Variants in EFNA5 observed in about 807,000 individuals in gnomAD.
EFNA5 encodes the protein ephrin-A5.
In EFNA5, 5 loss-of-function variants were observed where a neutral mutation model predicts 22.9. The ratio of observed to expected loss-of-function variants is 0.22; its 90% confidence interval spans 0.11 to 0.46. The LOEUF (loss-of-function observed/expected upper bound fraction) is 0.46, where lower values mean the gene tolerates loss of function less well. Ranked by LOEUF, EFNA5 falls within the 20% of genes least tolerant of loss-of-function variation. The pLI, the probability that EFNA5 is intolerant of heterozygous loss-of-function variation, is 0.99. For missense variants in EFNA5, 237 were observed against 293.3 expected, an observed-to-expected ratio of 0.81 and a Z score of 1.40; for synonymous variants, 113 against 112.2, an observed-to-expected ratio of 1.01 and a Z score of -0.04.
chr5:107,585,300 C>T (rs1263983757), intron 1 of EFNA5, among the ~76,000 whole-genome samples: 1 of 152,184 alleles, frequency 6.6e-6, no homozygotes, highest in Non-Finnish European at 1.5e-5. Context: ...CTCTCATAGG[C>T]ACCCAGCAGC....
chr5:107,568,228 C>A (rs1371400610), intron 1 of EFNA5, among the ~76,000 whole-genome samples: 1 of 152,162 alleles, frequency 6.6e-6, no homozygotes, highest in Non-Finnish European at 1.5e-5. Context: ...CACACATATA[C>A]CCCTCTGCAT....
Position 107,377,729 on chromosome 5 carries a change from T to C in EFNA5, c.*3526A>G, listed in dbSNP as rs1747305145. ...CTGCACATGATATTGATAAAGACTCTTCCTGGGAAAAAATAAAACAGTCCA... is the reference window on the plus strand; with the variant it reads ...CTGCACATGATATTGATAAAGACTCCTCCTGGGAAAAAATAAAACAGTCCA... On this transcript the variant is annotated 3_prime_UTR_variant, in exon 5 of 5. Coordinates refer to ENST00000333274, the MANE Select transcript of EFNA5 (RefSeq NM_001962.3). The C allele has an allele frequency of 6.6e-6, 1 of 152,130 alleles. No individual in the cohort carries two copies. Among genetic ancestry groups the C allele is most frequent in the Non-Finnish European group, 1.5e-5 (1 of 68,048 alleles). The allele number at this position is 152,130 out of a possible 1,614,324, so 9.4% of individuals were successfully genotyped here. A position where few individuals can be genotyped will look rare whatever the true frequency, so the allele number is the denominator to read the frequency against.
Position 107,387,332 on chromosome 5 carries a change from G to C in EFNA5, c.485-17C>G. 1 of 1,531,912 alleles carries C rather than the reference G, an allele frequency of 6.5e-7. No homozygotes were observed. Among genetic ancestry groups the C allele is most frequent in the Middle Eastern group, 1.7e-4 (1 of 5,840 alleles). 94.9% of individuals were successfully genotyped at this position (1,531,912 alleles called of 1,614,324 possible). Reference sequence around the variant, plus strand: ...TACAGCTATCTATAACAAAAATAGAGATAACAGCCAAATATGTTAGTGAAG... The same window carrying C: ...TACAGCTATCTATAACAAAAATAGACATAACAGCCAAATATGTTAGTGAAG... On this transcript the variant is annotated splice_polypyrimidine_tract_variant and intron_variant, in intron 3 of 4. Transcript: ENST00000333274.
chr5:107,447,508 T>C (rs1473013424), intron 1 of EFNA5, among the ~76,000 whole-genome samples: 1 of 152,216 alleles, frequency 6.6e-6, no homozygotes, highest in Non-Finnish European at 1.5e-5. Context: ...GACATAGTCC[T>C]GCCCTGGAGA....
At chr5:107,631,021 T>C (rs989042536) in intron 1 of EFNA5, among the ~76,000 whole-genome samples, 16 of 152,170 alleles carry the variant, frequency 1.1e-4, no homozygotes, top group East Asian at 3.8e-4. Flanking sequence ...TCACCTCCTA[T>C]GGTAACAACG....
intron 1 of EFNA5, among the ~76,000 whole-genome samples, chr5:107,578,482 G>A (rs998287241): frequency 2.0e-5 from 3 of 152,120 alleles, no homozygotes; most frequent in African/African-American, 7.2e-5. Flanking sequence ...GTTCTAATCA[G>A]TAGAGGAAAA....
chr5:107,445,246 C>A (rs1561389263), intron 1 of EFNA5, among the ~76,000 whole-genome samples: 2 of 152,102 alleles, frequency 1.3e-5, no homozygotes, highest in Non-Finnish European at 2.9e-5. Flanking sequence ...TGGTCTTGAA[C>A]TCCTGACCAC....
At chr5:107,585,926 G>T (rs1749177772) in intron 1 of EFNA5, among the ~76,000 whole-genome samples, 1 of 152,140 alleles carries the variant, frequency 6.6e-6, no homozygotes, top group Non-Finnish European at 1.5e-5. Context: ...TATGTTTAAT[G>T]CTGCTTTGGA....
At chr5:107,484,475 CAT>C (rs1472640012) in intron 1 of EFNA5, among the ~76,000 whole-genome samples, 3 of 152,168 alleles carry the variant, frequency 2.0e-5, no homozygotes, top group Non-Finnish European at 4.4e-5. Context: ...AGACGTTTTG[CAT>C]GTTGGCACAC....
intron 2 of EFNA5, among the ~76,000 whole-genome samples, chr5:107,392,753 C>T (rs1019255738): frequency 6.6e-6 from 1 of 152,212 alleles, no homozygotes; most frequent in Non-Finnish European, 1.5e-5. Context: ...GACACTCTGG[C>T]ATGTTCTGCT....
chr5:107,412,896 C>T (rs1322428793), intron 2 of EFNA5, among the ~76,000 whole-genome samples: 1 of 152,128 alleles, frequency 6.6e-6, no homozygotes, highest in East Asian at 1.9e-4. Context: ...TATTTCTGAC[C>T]ACCAGTGTAT....
chr5:107,616,004 T>A (rs998707240), intron 1 of EFNA5, among the ~76,000 whole-genome samples: 2 of 152,198 alleles, frequency 1.3e-5, no homozygotes, highest in Non-Finnish European at 2.9e-5. Flanking sequence ...CATTTCAAGA[T>A]CTGGTATTAT....
In EFNA5 at chr5:107,378,178, T is replaced by C. The variant is rs1050621535; in HGVS notation, c.*3077A>G. 2.0e-5 allele frequency: 3 copies of C among 149,904 alleles called. No homozygotes were observed. The highest frequency in any genetic ancestry group is 7.5e-5 in the African/African-American group (3 of 40,086). The allele number at this position is 149,904 out of a possible 1,614,324, so 9.3% of individuals were successfully genotyped here. On this transcript the variant is annotated 3_prime_UTR_variant, in exon 5 of 5. Coordinates refer to ENST00000333274, the MANE Select transcript of EFNA5 (RefSeq NM_001962.3). ...CAGAGGTTGCTAATAATACAGAATT[T>C]AAAGAACGCAGTTTTTTTTTTTTTT...
chr5:107,610,356 C>G (rs936168990), intron 1 of EFNA5, among the ~76,000 whole-genome samples: 1 of 152,262 alleles, frequency 6.6e-6, no homozygotes, highest in Admixed American at 6.5e-5. Context: ...ACGGCGCACC[C>G]GCCCCGCTTG....
chr5:107,386,125 G>A (rs1747612909), intron 4 of EFNA5, among the ~76,000 whole-genome samples: 1 of 100,208 alleles, frequency 1.0e-5, no homozygotes. Context: ...TAGTTTCTAG[G>A]ACCATAAGGA....
chr5:107,637,833 T>G (rs946229372), intron 1 of EFNA5, among the ~76,000 whole-genome samples: 3 of 138,860 alleles, frequency 2.2e-5, no homozygotes, highest in Non-Finnish European at 4.9e-5. Flanking sequence ...AGCTAACAGT[T>G]TATTTTTATT....
intron 1 of EFNA5, among the ~76,000 whole-genome samples, chr5:107,462,861 T>G (rs902873463): frequency 1.3e-5 from 2 of 152,198 alleles, no homozygotes; most frequent in Non-Finnish European, 2.9e-5. Context: ...GCTAAGATTC[T>G]AAGGTTTATG....
intron 1 of EFNA5, among the ~76,000 whole-genome samples, chr5:107,480,261 T>C (rs1049888050): frequency 2.7e-4 from 41 of 152,248 alleles, no homozygotes; most frequent in African/African-American, 9.9e-4. Flanking sequence ...AATCAATGTA[T>C]TGCTAAAACA....
chr5:107,462,028 G>A (rs1294571212), intron 1 of EFNA5, among the ~76,000 whole-genome samples: 1 of 152,086 alleles, frequency 6.6e-6, no homozygotes, highest in East Asian at 1.9e-4. Flanking sequence ...ATTATTTCCT[G>A]CAACTCTTCA....
Sources: allele counts gnomAD v4.1 joint callset (sites outside exome capture counted in the v4.1 genomes callset), GRCh38; gene constraint gnomAD v4.1.1; transcripts MANE v1.5; gene names NCBI Gene and HGNC (gene_info 2026-07-23, HGNC 2026-07-21).